Variants in ASPRV1 observed in about 807,000 individuals in gnomAD.
ASPRV1 encodes retroviral-like aspartic protease 1.
ASPRV1 carries 7 observed loss-of-function variants against 11.0 expected under a neutral mutation model. The observed-to-expected ratio is 0.64, with a 90% CI of 0.36 to 1.20. The LOEUF is 1.20. Ranked by LOEUF, ASPRV1 falls within the 50% of genes most tolerant of loss-of-function variation. The pLI is 0.02. For synonymous variants in ASPRV1, 136 were observed against 138.4 expected, an observed-to-expected ratio of 0.98 and a Z score of 0.12; for missense variants, 299 against 320.0, an observed-to-expected ratio of 0.93 and a Z score of 0.50.
At chr2:70,060,534 C>T in the ASPRV1 span, among the ~76,000 whole-genome samples, 2 of 151,992 alleles carry the variant, frequency 1.3e-5, no homozygotes, top group East Asian at 2.0e-4. Flanking sequence ...GCATAGTCGC[C>T]GGGCACAGTG....
At chr2:70,038,995 CTT>C in the ASPRV1 span, among the ~76,000 whole-genome samples, 2 of 151,226 alleles carry the variant, frequency 1.3e-5, no homozygotes, top group African/African-American at 4.9e-5. Flanking sequence ...AGGAGAATCA[CTT>C]GAACGTGGGA....
chr2:69,996,604 C>T, the ASPRV1 span: 12 of 418,412 alleles, frequency 2.9e-5, no homozygotes, highest in South Asian at 1.7e-4. Flanking sequence ...AGGAATGCAA[C>T]GTCTTTCATT....
the ASPRV1 span, chr2:69,938,196 A>G: frequency 6.2e-7 from 1 of 1,614,258 alleles, no homozygotes; most frequent in African/African-American, 1.3e-5. Context: ...GGCAGCATGC[A>G]GAGCCTCGGC....
chr2:69,988,182 G>A, the ASPRV1 span, among the ~76,000 whole-genome samples: 110 of 152,342 alleles, frequency 7.2e-4, no homozygotes, highest in African/African-American at 2.4e-3. Context: ...CAAAAGAACT[G>A]AAAGCAGGGA....
At chr2:70,023,667 C>G in the ASPRV1 span, among the ~76,000 whole-genome samples, 1 of 135,014 alleles carries the variant, frequency 7.4e-6, no homozygotes, top group African/African-American at 3.3e-5. Flanking sequence ...GAGCAAGACT[C>G]TGTCTCAAAA....
the ASPRV1 span, among the ~76,000 whole-genome samples, chr2:69,947,165 A>G: frequency 6.6e-6 from 1 of 152,196 alleles, no homozygotes; most frequent in Non-Finnish European, 1.5e-5. Context: ...GCAGTTAATA[A>G]CTTTGGTCAA....
chr2:70,045,311 CTTT>C, the ASPRV1 span: 2 of 152,174 alleles, frequency 1.3e-5, no homozygotes, highest in Non-Finnish European at 2.9e-5. Context: ...TACATAACTT[CTTT>C]GACTTTCAGC....
At chr2:70,047,098 A>G in the ASPRV1 span, among the ~76,000 whole-genome samples, 1 of 152,216 alleles carries the variant, frequency 6.6e-6, no homozygotes, top group Non-Finnish European at 1.5e-5. Flanking sequence ...TCATTTCTTC[A>G]TTCAATAAAT....
the ASPRV1 span, among the ~76,000 whole-genome samples, chr2:70,014,882 C>G: frequency 6.6e-6 from 1 of 150,744 alleles, no homozygotes; most frequent in African/African-American, 2.4e-5. Flanking sequence ...AATCTTATAT[C>G]TGAAAAGGAT....
chr2:69,956,293 G>A (rs191677809), downstream of ASPRV1, among the ~76,000 whole-genome samples: 17 of 152,104 alleles, frequency 1.1e-4, no homozygotes, highest in Non-Finnish European at 2.5e-4. Flanking sequence ...TTGAGGGCCA[G>A]CTAATAGGTA....
At chr2:70,063,070 C>G in the ASPRV1 span, among the ~76,000 whole-genome samples, 1 of 152,146 alleles carries the variant, frequency 6.6e-6, no homozygotes, top group Non-Finnish European at 1.5e-5. Context: ...CATAACCACT[C>G]CATCCAATCT....
the ASPRV1 span, chr2:70,056,041 G>A: frequency 6.6e-6 from 1 of 152,212 alleles, no homozygotes; most frequent in Non-Finnish European, 1.5e-5. Flanking sequence ...TCACATGCTA[G>A]AGCATGAATG....
At chr2:69,945,533 TG>T in the ASPRV1 span, among the ~76,000 whole-genome samples, 1 of 152,346 alleles carries the variant, frequency 6.6e-6, no homozygotes, top group South Asian at 2.1e-4. Context: ...GGCTGCTGGC[TG>T]GGTTGAACAT....
chr2:70,009,502 G>GT, the ASPRV1 span, among the ~76,000 whole-genome samples: 1 of 151,968 alleles, frequency 6.6e-6, no homozygotes, highest in Admixed American at 6.6e-5. Flanking sequence ...GCTAATTTTT[G>GT]TATTTTTTAG....
At chr2:69,993,901 T>C in the ASPRV1 span, 2 of 152,198 alleles carry the variant, frequency 1.3e-5, no homozygotes, top group African/African-American at 4.8e-5. Flanking sequence ...TTGCAGAGCG[T>C]TGGGAAATCA....
chr2:70,057,801 G>T, the ASPRV1 span, among the ~76,000 whole-genome samples: 32 of 139,766 alleles, frequency 2.3e-4, no homozygotes, highest in African/African-American at 5.2e-4. Flanking sequence ...TTTTTGTTTT[G>T]TTTTTTTTTT....
the ASPRV1 span, among the ~76,000 whole-genome samples, chr2:70,035,320 T>C: frequency 2.0e-5 from 3 of 152,298 alleles, no homozygotes; most frequent in Admixed American, 2.0e-4. Context: ...CACTCCTCTG[T>C]GGAATTACCA....
the ASPRV1 span, among the ~76,000 whole-genome samples, chr2:70,069,809 A>G: frequency 1.3e-5 from 2 of 152,156 alleles, no homozygotes; most frequent in Non-Finnish European, 2.9e-5. Context: ...GTAACTAGCT[A>G]TATGAGCTTG....
chr2:70,077,362 C>G, the ASPRV1 span: 1 of 152,020 alleles, frequency 6.6e-6, no homozygotes, highest in African/African-American at 2.4e-5. Flanking sequence ...TCATTTCCTT[C>G]ATGTAATACA....
Sources: allele counts gnomAD v4.1 joint callset (sites outside exome capture counted in the v4.1 genomes callset), GRCh38; gene constraint gnomAD v4.1.1; transcripts MANE v1.5; gene names NCBI Gene and HGNC (gene_info 2026-07-23, HGNC 2026-07-21).